Variants in KIAA0753 observed in about 807,000 individuals in gnomAD.
KIAA0753 encodes the protein KIAA0753.
Under a neutral mutation model 116.9 loss-of-function variants are expected in KIAA0753, and 114 were observed. That is an observed-to-expected ratio of 0.98 (90% CI 0.84 to 1.14). The LOEUF (loss-of-function observed/expected upper bound fraction) is 1.14. Among genes scored for constraint, KIAA0753 ranks in the 50% most tolerant of loss-of-function variants. KIAA0753 has a pLI of 0.00. For synonymous variants in KIAA0753, 405 were observed against 413.1 expected (o/e 0.98, Z 0.24); for missense variants, 1,156 against 1,172.4 (o/e 0.99, Z 0.20).
At chr17:6,619,981 A>C (rs1015589665) in intron 7 of KIAA0753, among the ~76,000 whole-genome samples, 1 of 152,260 alleles carries the variant, frequency 6.6e-6, no homozygotes, top group African/African-American at 2.4e-5. Context: ...GTCATCAATT[A>C]ATAATGATTT....
chr17:6,595,015 G>A lies in KIAA0753; in HGVS notation c.2397C>T (p.Ile799=), dbSNP rs745958874. The A allele has an allele frequency of 5.6e-6, 9 of 1,611,912 alleles. No homozygotes were observed. The highest frequency in any genetic ancestry group is 4.4e-5 in the South Asian group (4 of 90,748). Residue 799 remains isoleucine (I), a synonymous_variant, in exon 16 of 19, where the codon ATC becomes ATT. Coordinates refer to ENST00000361413, the MANE Select transcript of KIAA0753 (RefSeq NM_014804.3). ...TCCAAAGTCGAGGATCAGCATATGC[G>A]ATTTTATTATATCTTTGACGAACAG... is the stretch of plus-strand genomic sequence containing the variant. ...QESVRQRYNK[I]AYADPRLWMQ...
rs996215041 is a variant in KIAA0753, at chr17:6,595,072, A to G, written c.2359-19T>C. 2 of 1,547,364 alleles carry G rather than the reference A, an allele frequency of 1.3e-6. No homozygotes were observed. The highest frequency in any genetic ancestry group is 3.7e-5 in the Admixed American group (2 of 54,676). On this transcript the variant is annotated intron_variant, in intron 15 of 18. Transcript: ENST00000361413. ...GGTATTTCTTTAAAAAAAAAGAAAA[A>G]AGTTTAATTTATGAGAAAAAATGAG... is the stretch of plus-strand genomic sequence containing the variant.
chr17:6,627,855 G>A (rs1335012835), intron 3 of KIAA0753, among the ~76,000 whole-genome samples: 2 of 152,172 alleles, frequency 1.3e-5, no homozygotes, highest in African/African-American at 4.8e-5. Flanking sequence ...CTCGTAGGCT[G>A]GGCCCTCAGT....
intron 7 of KIAA0753, among the ~76,000 whole-genome samples, chr17:6,619,510 T>G (rs1248992010): frequency 6.6e-6 from 1 of 152,086 alleles, no homozygotes; most frequent in Non-Finnish European, 1.5e-5. Context: ...CACTGCCACC[T>G]CCATCTCCCA....
rs149966522 is a variant in KIAA0753, at chr17:6,580,930, A to ACACACACACC, written c.2787-1067_2787-1066insGGTGTGTGTG. Reference sequence around the variant, plus strand: ...CACACACACACACACACACACACACACCTTCATTTTCTGAACGGCGCAAGC... The same window carrying ACACACACACC: ...CACACACACACACACACACACACACACACACACACCCCTTCATTTTCTGAACGGCGCAAGC... On this transcript the variant is annotated intron_variant, in intron 18 of 18. Transcript: ENST00000361413. 3.6e-3 allele frequency among the ~76,000 whole-genome samples: 521 copies of ACACACACACC among 144,012 alleles called. 5 individuals are homozygous for ACACACACACC. Among genetic ancestry groups the ACACACACACC allele is most frequent in the African/African-American group, 0.012 (486 of 40,410 alleles). 94.5% of individuals were successfully genotyped at this position (144,012 alleles called of 152,430 possible). A position where few individuals can be genotyped will look rare whatever the true frequency, so the allele number is the denominator to read the frequency against.
rs1479923227 is a variant in KIAA0753, at chr17:6,619,521, G to A, written c.1315+1267C>T. ...ACCTCACTGCCACCTCCATCTCCCA[G>A]GCTCAAGTGATCCTCCTGCCTCAGC... On this transcript the variant is annotated intron_variant, in intron 7 of 18. Transcript: ENST00000361413. Among the ~76,000 whole-genome samples, 5 of 152,038 alleles carry A rather than the reference G, an allele frequency of 3.3e-5. No individual in the cohort carries two copies. In the East Asian group the frequency reaches 9.7e-4, roughly 29 times the overall value.
intron 18 of KIAA0753, among the ~76,000 whole-genome samples, chr17:6,589,488 A>G (rs1968827322): frequency 6.6e-6 from 1 of 152,198 alleles, no homozygotes; most frequent in African/African-American, 2.4e-5. Context: ...TGACAGCCTG[A>G]GCTGACTAGA....
intron 3 of KIAA0753, among the ~76,000 whole-genome samples, chr17:6,626,706 A>G (rs895009607): frequency 6.6e-6 from 1 of 152,216 alleles, no homozygotes; most frequent in Non-Finnish European, 1.5e-5. Flanking sequence ...AATTTAAAGT[A>G]TATGTTTACG....
At chr17:6,617,942 A>C (rs914731905) in intron 7 of KIAA0753, among the ~76,000 whole-genome samples, 2 of 152,122 alleles carry the variant, frequency 1.3e-5, no homozygotes, top group African/African-American at 2.4e-5. Context: ...ATCTCTACTA[A>C]AAATACAAAA....
At chr17:6,626,188 AATCT>A (rs141741474) in intron 3 of KIAA0753, among the ~76,000 whole-genome samples, 9,107 of 152,302 alleles carry the variant, frequency 0.06, 442 homozygotes, top group African/African-American at 0.13. Flanking sequence ...AAGAAGATGC[AATCT>A]ATCTATTCCT....
chr17:6,580,268 A>G (rs1409219858), intron 18 of KIAA0753, among the ~76,000 whole-genome samples: 2 of 151,888 alleles, frequency 1.3e-5, no homozygotes, highest in Non-Finnish European at 2.9e-5. Context: ...TAACAAGTCA[A>G]TTCTGAAATC....
At chr17:6,632,049 AT>A (rs1446578264) in intron 2 of KIAA0753, among the ~76,000 whole-genome samples, 1 of 151,742 alleles carries the variant, frequency 6.6e-6, no homozygotes, top group Non-Finnish European at 1.5e-5. Flanking sequence ...TGCTCAGCTA[AT>A]TTTTTTGTAT....
At chr17:6,598,761 T>C (rs969474278) in intron 14 of KIAA0753, among the ~76,000 whole-genome samples, 7 of 152,232 alleles carry the variant, frequency 4.6e-5, no homozygotes, top group African/African-American at 1.7e-4. Context: ...TGTTCTCATT[T>C]TTTTCCTGGG....
intron 15 of KIAA0753, 68 bp downstream of exon 15, chr17:6,596,090 G>C (rs984016619): frequency 6.9e-7 from 1 of 1,454,006 alleles, no homozygotes; most frequent in African/African-American, 1.4e-5. Flanking sequence ...GCAGAGGCAT[G>C]AGGAGAAATT....
At chr17:6,602,463 C>T (rs1192747884) in intron 12 of KIAA0753, among the ~76,000 whole-genome samples, 1 of 152,204 alleles carries the variant, frequency 6.6e-6, no homozygotes, top group Non-Finnish European at 1.5e-5. Flanking sequence ...CTGATACACA[C>T]ACAATGTGGA....
At chr17:6,637,261 A>T (rs1490567814) in intron 1 of KIAA0753, 1 of 152,342 alleles carries the variant, frequency 6.6e-6, no homozygotes, top group Non-Finnish European at 1.5e-5. Context: ...AGCTGCAAGC[A>T]CCCCCAGAGG....
intron 18 of KIAA0753, among the ~76,000 whole-genome samples, chr17:6,580,253 G>T (rs1040619892): frequency 2.6e-5 from 4 of 151,694 alleles, no homozygotes; most frequent in African/African-American, 7.3e-5. Flanking sequence ...CTCAGCTGTG[G>T]AAATTAACAA....
chr17:6,591,032 AGGAAGAAG>A (rs1968975417), intron 16 of KIAA0753, among the ~76,000 whole-genome samples: 1 of 93,398 alleles, frequency 1.1e-5, no homozygotes, highest in East Asian at 3.7e-4. Context: ...AGAAGGAAGA[AGGAAGAAG>A]GAAGAAGAAG....
intron 16 of KIAA0753, 134 bp from the exon 17 acceptor site, chr17:6,590,764 G>A (rs1968938230): frequency 1.3e-6 from 1 of 787,576 alleles, no homozygotes; most frequent in Admixed American, 2.6e-5. Context: ...GGCTAGCAGT[G>A]CAATGGGAAA....
Sources: allele counts gnomAD v4.1 joint callset (sites outside exome capture counted in the v4.1 genomes callset), GRCh38; gene constraint gnomAD v4.1.1; transcripts MANE v1.5; gene names NCBI Gene and HGNC (gene_info 2026-07-23, HGNC 2026-07-21).